The following UGDH variants were observed in gnomAD, a reference collection of about 807,000 sequenced individuals.
UGDH encodes UDP-glucose 6-dehydrogenase.
Under a neutral mutation model 50.6 loss-of-function variants are expected in UGDH, and 38 were observed. That is an observed-to-expected ratio of 0.75 (90% confidence interval 0.58 to 0.98). UGDH has a LOEUF of 0.98. UGDH is among the 50% of genes least tolerant of loss of function. UGDH has a pLI of 0.00. For synonymous variants in UGDH, 168 were observed against 199.9 expected (o/e 0.84, Z 1.35); for missense variants, 465 against 606.2 (o/e 0.77, Z 2.45).
chr4:39,510,878 G>C lies in UGDH; in HGVS notation c.265-17C>G. 6.2e-7 allele frequency: 1 copy of C among 1,613,636 alleles called. No homozygotes were observed. Among genetic ancestry groups the C allele is most frequent in the African/African-American group, 1.3e-5 (1 of 75,000 alleles). On this transcript the variant is annotated splice_polypyrimidine_tract_variant and intron_variant, in intron 3 of 11. Transcript: ENST00000316423. ...AGTATTCACCTGATGTAAGTATATG[G>C]GATAAAGAACAGAGTGCCTGTGAGA...
At position 39,500,101 on chromosome 4, in the gene UGDH, CCAAA is replaced by C; in HGVS notation, c.*38_*41del. The C allele has an allele frequency of 9.7e-7, 1 of 1,029,840 alleles. No homozygotes were observed. Among genetic ancestry groups the C allele is most frequent in the Non-Finnish European group, 1.4e-6 (1 of 737,654 alleles). The allele number at this position is 1,029,840 out of a possible 1,614,324, so 63.8% of individuals were successfully genotyped here. On this transcript the variant is annotated 3_prime_UTR_variant, in exon 12 of 12. Transcript: ENST00000316423. ...GATAGATATTTGCTATCCTGAAGTA[CCAAA>C]AAAAAAAAAAAAAAATCACAAATAA...
intron 8 of UGDH, 40 bp from the exon 9 acceptor site, chr4:39,505,410 G>A: frequency 6.9e-7 from 1 of 1,443,624 alleles, no homozygotes; most frequent in South Asian, 1.6e-5. Flanking sequence ...AGCTTTATGT[G>A]GCATTATATT....
intron 11 of UGDH, among the ~76,000 whole-genome samples, chr4:39,502,424 T>C (rs1295974042): frequency 6.6e-6 from 1 of 152,182 alleles, no homozygotes; most frequent in Admixed American, 6.5e-5. Flanking sequence ...TCAGATATTT[T>C]TGAATAGCAG....
At chr4:39,515,037 C>T (rs1560266070) in intron 2 of UGDH, among the ~76,000 whole-genome samples, 1 of 152,056 alleles carries the variant, frequency 6.6e-6, no homozygotes, top group Non-Finnish European at 1.5e-5. Flanking sequence ...AGTGCAGTTG[C>T]GTAACAGCTC....
intron 1 of UGDH, among the ~76,000 whole-genome samples, chr4:39,522,763 A>AC (rs1746717457): frequency 7.8e-6 from 1 of 128,642 alleles, no homozygotes; most frequent in Non-Finnish European, 1.6e-5. Flanking sequence ...ATCCCTCATG[A>AC]CTTTTTTTTT....
At chr4:39,523,323 A>G (rs1025530241) in intron 1 of UGDH, among the ~76,000 whole-genome samples, 2 of 152,086 alleles carry the variant, frequency 1.3e-5, no homozygotes, top group Admixed American at 1.3e-4. Context: ...AAGTGCTAGC[A>G]TTACAGGCAC....
At chr4:39,504,565 C>G (rs530165064) in intron 9 of UGDH, 57 bp from the exon 10 acceptor site, 31 of 1,437,720 alleles carry the variant, frequency 2.2e-5, no homozygotes, top group African/African-American at 2.8e-5. Flanking sequence ...TATGACATTA[C>G]AGTAGTTCCC....
intron 1 of UGDH, among the ~76,000 whole-genome samples, chr4:39,523,794 G>C (rs999902313): frequency 7.1e-6 from 1 of 140,676 alleles, no homozygotes; most frequent in Admixed American, 7.3e-5. Context: ...CAACAAGCAC[G>C]AAACTCCATC....
chr4:39,501,468 T>A (rs1219198254), intron 11 of UGDH, among the ~76,000 whole-genome samples: 1 of 150,598 alleles, frequency 6.6e-6, no homozygotes, highest in Non-Finnish European at 1.5e-5. Flanking sequence ...AGAGATGGGT[T>A]TTCACCGTGT....
In UGDH at chr4:39,499,935, CAGG is replaced by C. The variant is rs1439063488; in HGVS notation, c.*205_*207del. ...GTCCCAGCTACTTGGGAGGCTGAGC[CAGG>C]AGAATGGCGTGAACCTGGGAAGCAG... On this transcript the variant is annotated 3_prime_UTR_variant, in exon 12 of 12. Transcript: ENST00000316423. 1 of 360,858 alleles carries C rather than the reference CAGG, an allele frequency of 2.8e-6. No individual in the cohort carries two copies. The highest frequency in any genetic ancestry group is 5.0e-6 in the Non-Finnish European group (1 of 199,256). 22.4% of individuals were successfully genotyped at this position (360,858 alleles called of 1,614,324 possible).
At chr4:39,525,380 G>A (rs925450518) in intron 1 of UGDH, among the ~76,000 whole-genome samples, 18 of 151,950 alleles carry the variant, frequency 1.2e-4, no homozygotes, top group African/African-American at 4.1e-4. Context: ...ATTTAGTAGA[G>A]ACGGGGTTTC....
chr4:39,510,227 A>G, intron 5 of UGDH, 126 bp downstream of exon 5: 5 of 975,956 alleles, frequency 5.1e-6, no homozygotes, highest in Non-Finnish European at 7.6e-6. Context: ...TTGAATGTGC[A>G]AGAATATGAT....
At chr4:39,508,487 G>T in intron 7 of UGDH, 79 bp downstream of exon 7, 1 of 1,391,356 alleles carries the variant, frequency 7.2e-7, no homozygotes, top group Non-Finnish European at 1.0e-6. Context: ...TCTTGCCTTG[G>T]CTTCCTAAAG....
At chr4:39,506,877 C>T (rs1168542770) in intron 7 of UGDH, among the ~76,000 whole-genome samples, 3 of 152,056 alleles carry the variant, frequency 2.0e-5, no homozygotes, top group Non-Finnish European at 2.9e-5. Flanking sequence ...TGTGCATTTC[C>T]GGCTAGGCAG....
chr4:39,522,282 C>A (rs956026550), intron 1 of UGDH, among the ~76,000 whole-genome samples: 2 of 152,134 alleles, frequency 1.3e-5, no homozygotes, highest in East Asian at 3.8e-4. Flanking sequence ...CATAAGTATG[C>A]TCATTTATCC....
At chr4:39,506,152 C>G (rs1361435538) in intron 7 of UGDH, among the ~76,000 whole-genome samples, 2 of 148,968 alleles carry the variant, frequency 1.3e-5, no homozygotes, top group Non-Finnish European at 2.9e-5. Context: ...GGCTTGAGCA[C>G]AGGAGGCAGA....
chr4:39,499,789 G>C lies in UGDH; in HGVS notation c.*354C>G, dbSNP rs1745716614. The C allele has an allele frequency of 6.1e-6, 1 of 164,266 alleles. No homozygotes were observed. Among genetic ancestry groups the C allele is most frequent in the Non-Finnish European group, 1.3e-5 (1 of 75,408 alleles). 10.2% of individuals were successfully genotyped at this position (164,266 alleles called of 1,614,324 possible). The stretch of plus-strand genomic sequence containing the variant: ...CTCACACCTGTAATCCCAGCACTTT[G>C]GGAGGCCGAGACGGGTGGTTCACAA... On this transcript the variant is annotated 3_prime_UTR_variant, in exon 12 of 12. Transcript: ENST00000316423.
chr4:39,515,521 C>T (rs1268222999), intron 2 of UGDH, among the ~76,000 whole-genome samples: 2 of 151,180 alleles, frequency 1.3e-5, no homozygotes, highest in Non-Finnish European at 2.9e-5. Context: ...CCCAGTTTAA[C>T]AGGAGATATA....
At chr4:39,504,950 A>G (rs1745970481) in intron 9 of UGDH, among the ~76,000 whole-genome samples, 1 of 152,222 alleles carries the variant, frequency 6.6e-6, no homozygotes. Context: ...TGATTGCAGT[A>G]TCAATGGGAG....
Sources: allele counts gnomAD v4.1 joint callset (sites outside exome capture counted in the v4.1 genomes callset), GRCh38; gene constraint gnomAD v4.1.1; transcripts MANE v1.5; gene names NCBI Gene and HGNC (gene_info 2026-07-23, HGNC 2026-07-21).